TAOK3: variants seen among roughly 807,000 people sequenced by gnomAD.
TAOK3 encodes serine/threonine-protein kinase TAO3.
Under a neutral mutation model 120.4 loss-of-function variants are expected in TAOK3, and 40 were observed. The ratio of observed to expected loss-of-function variants is 0.33; its 90% confidence interval spans 0.26 to 0.43. The LOEUF (loss-of-function observed/expected upper bound fraction) is 0.43. Ranked by LOEUF, TAOK3 falls within the 20% of genes least tolerant of loss-of-function variation. The probability of loss-of-function intolerance (pLI) is 1.00; values close to 1 mark genes in which losing one functional copy is unlikely to be tolerated. For synonymous variants in TAOK3, 355 were observed against 387.5 expected (o/e 0.92, Z 0.99); for missense variants, 821 against 1,112.1 (o/e 0.74, Z 3.72).
intron 9 of TAOK3, among the ~76,000 whole-genome samples, chr12:118,227,496 C>T (rs1365219571): frequency 6.6e-6 from 1 of 151,734 alleles, no homozygotes; most frequent in Admixed American, 6.6e-5. Context: ...TTACAAAAAA[C>T]AAAAAACAAT....
At chr12:118,167,704 C>A (rs1341289343) in intron 17 of TAOK3, among the ~76,000 whole-genome samples, 1 of 149,966 alleles carries the variant, frequency 6.7e-6, no homozygotes, top group East Asian at 1.9e-4. Context: ...CAAAATGACT[C>A]CCCCTTATCT....
chr12:118,271,608 T>C (rs974786115), intron 1 of TAOK3, among the ~76,000 whole-genome samples: 2 of 152,248 alleles, frequency 1.3e-5, no homozygotes, highest in African/African-American at 4.8e-5. Context: ...CTTTTGGCCA[T>C]TATGGATAGT....
chr12:118,237,148 G>A (rs185895227), intron 7 of TAOK3, among the ~76,000 whole-genome samples: 3 of 152,200 alleles, frequency 2.0e-5, no homozygotes, highest in East Asian at 3.9e-4. Flanking sequence ...GCAGGATTTC[G>A]GTCTGCCTAT....
At chr12:118,352,930 G>A (rs2098004321) in intron 1 of TAOK3, among the ~76,000 whole-genome samples, 1 of 152,106 alleles carries the variant, frequency 6.6e-6, no homozygotes, top group South Asian at 2.1e-4. Flanking sequence ...GGCTGGTCTC[G>A]AACTCCTGAC....
chr12:118,164,406 C>T (rs2035444631), intron 17 of TAOK3, among the ~76,000 whole-genome samples: 1 of 151,938 alleles, frequency 6.6e-6, no homozygotes, highest in Non-Finnish European at 1.5e-5. Context: ...TTGAGCTGTA[C>T]TTTATTTATA....
intron 9 of TAOK3, among the ~76,000 whole-genome samples, chr12:118,222,310 G>A (rs988604179): frequency 2.6e-5 from 4 of 152,122 alleles, no homozygotes; most frequent in African/African-American, 9.6e-5. Flanking sequence ...CAAGGTCGGA[G>A]GATCACGAGG....
chr12:118,240,178 CTTTTTTTT>C (rs57739118), intron 5 of TAOK3, among the ~76,000 whole-genome samples: 1 of 134,296 alleles, frequency 7.4e-6, no homozygotes, highest in African/African-American at 2.7e-5. Flanking sequence ...TTTCTTTACT[CTTTTTTTT>C]TTTTTTTTTT....
intron 19 of TAOK3, among the ~76,000 whole-genome samples, chr12:118,156,576 C>T (rs78937223): frequency 9.1e-4 from 138 of 152,238 alleles, no homozygotes; most frequent in African/African-American, 7.9e-4. Context: ...GAGGTCCAGA[C>T]GAGCTCCTGT....
intron 1 of TAOK3, among the ~76,000 whole-genome samples, chr12:118,307,964 C>CTTT (rs150636589): frequency 1.4e-5 from 2 of 142,778 alleles, no homozygotes; most frequent in African/African-American, 5.1e-5. Context: ...AGTTTGACTA[C>CTTT]TTTTTTTTTT....
chr12:118,333,656 C>T lies in TAOK3; in HGVS notation c.-194+38992G>A, dbSNP rs373283194. 1.9e-4 allele frequency among the ~76,000 whole-genome samples: 28 copies of T among 151,018 alleles called. No individual in the cohort carries two copies. The East Asian group carries it at 2.5e-3, about 14-fold the overall frequency. ...GAACAGAAATCTATTAAATTGAAAA[C>T]AGGAGAAAACATGAGAAAAATCAAT... On this transcript the variant is annotated intron_variant, in intron 1 of 20. Transcript: ENST00000392533.
chr12:118,297,006 TG>T (rs1566080700), intron 1 of TAOK3: 1 of 152,234 alleles, frequency 6.6e-6, no homozygotes, highest in Non-Finnish European at 1.5e-5. Context: ...ACTATGTGTA[TG>T]GCTTCATACC....
At chr12:118,239,339 A>C in intron 5 of TAOK3, 67 bp from the exon 6 acceptor site, 2 of 884,642 alleles carry the variant, frequency 2.3e-6, no homozygotes, top group South Asian at 1.5e-5. Flanking sequence ...AACCAACTAA[A>C]CAACCAATCA....
chr12:118,193,120 G>A (rs887072128), intron 13 of TAOK3, among the ~76,000 whole-genome samples: 1 of 130,884 alleles, frequency 7.6e-6, no homozygotes, highest in East Asian at 2.3e-4. Context: ...GCACTATCTC[G>A]GCTCACTGCT....
intron 20 of TAOK3, among the ~76,000 whole-genome samples, chr12:118,151,483 C>G (rs1029270135): frequency 6.6e-6 from 1 of 152,228 alleles, no homozygotes; most frequent in African/African-American, 2.4e-5. Context: ...AGGTCAGTGT[C>G]CTGTGTTAGG....
chr12:118,268,761 C>A (rs2041567365), intron 1 of TAOK3, among the ~76,000 whole-genome samples: 1 of 152,194 alleles, frequency 6.6e-6, no homozygotes, highest in Non-Finnish European at 1.5e-5. Flanking sequence ...GTAATCCCAG[C>A]ACTTTGAGAG....
intron 14 of TAOK3, among the ~76,000 whole-genome samples, chr12:118,187,185 A>G (rs1790119665): frequency 6.6e-6 from 1 of 152,202 alleles, no homozygotes; most frequent in African/African-American, 2.4e-5. Flanking sequence ...GTGACTTGTT[A>G]GCGCCTCTAC....
At position 118,177,332 on chromosome 12, in the gene TAOK3, G is replaced by A; in HGVS notation, c.1567-3C>T. The stretch of plus-strand genomic sequence containing the variant: ...TCATCTGCTGCAGCTACCTTTGCCT[G>A]ATAAAATAACAAATACAATGTAGGA... On this transcript the variant is annotated splice_polypyrimidine_tract_variant and splice_region_variant and intron_variant, in intron 15 of 20. Transcript: ENST00000392533. 2 of 1,612,808 alleles carry A rather than the reference G, an allele frequency of 1.2e-6. No homozygotes were observed. The highest frequency in any genetic ancestry group is 1.7e-6 in the Non-Finnish European group (2 of 1,179,746).
intron 11 of TAOK3, among the ~76,000 whole-genome samples, chr12:118,210,938 C>A (rs1278226813): frequency 6.6e-6 from 1 of 152,000 alleles, no homozygotes; most frequent in African/African-American, 2.4e-5. Context: ...GGGGTTTCGC[C>A]ATGTTGGCCA....
intron 1 of TAOK3, among the ~76,000 whole-genome samples, chr12:118,319,638 T>G (rs2043618344): frequency 6.6e-6 from 1 of 151,900 alleles, no homozygotes; most frequent in Non-Finnish European, 1.5e-5. Flanking sequence ...AAAACCACGA[T>G]GAGATATTAT....
Sources: gnomAD v4.1 joint callset for allele counts (sites outside exome capture counted in the v4.1 genomes callset) on GRCh38, gnomAD v4.1.1 for gene constraint, MANE v1.5 for transcripts, NCBI Gene and HGNC (gene_info 2026-07-23, HGNC 2026-07-21) for gene names.